LINGO2: variants seen among roughly 807,000 people sequenced by gnomAD.
LINGO2 encodes leucine rich repeat and Ig domain containing 2.
In LINGO2, 14 loss-of-function variants were observed where a neutral mutation model predicts 30.6. That is an observed-to-expected ratio of 0.46 (90% CI 0.30 to 0.72). LINGO2 has a LOEUF of 0.72. LINGO2 is among the 30% of genes least tolerant of loss of function. The pLI, the probability that LINGO2 is intolerant of heterozygous loss-of-function variation, is 0.07. For missense variants in LINGO2, 729 were observed against 751.7 expected (o/e 0.97, Z 0.35); for synonymous variants, 317 against 288.5 (o/e 1.10, Z -1.00).
chr9:28,675,924 T>TATATAC, the LINGO2 span, among the ~76,000 whole-genome samples: 2 of 137,736 alleles, frequency 1.5e-5, no homozygotes, highest in East Asian at 4.7e-4. Flanking sequence ...TATATATATA[T>TATATAC]ACATACACAC....
chr9:28,523,694 A>C (rs1820910621), intron 1 of LINGO2, among the ~76,000 whole-genome samples: 2 of 152,192 alleles, frequency 1.3e-5, no homozygotes, highest in African/African-American at 4.8e-5. Flanking sequence ...ATGATTTAAA[A>C]ATAAACAGAT....
the LINGO2 span, among the ~76,000 whole-genome samples, chr9:29,120,926 T>C: frequency 1.3e-5 from 2 of 152,160 alleles, no homozygotes; most frequent in African/African-American, 4.8e-5. Context: ...AAGTGGTCAG[T>C]AAATGTTGTC....
chr9:28,292,433 T>C (rs567390255), intron 4 of LINGO2, among the ~76,000 whole-genome samples: 3 of 152,274 alleles, frequency 2.0e-5, no homozygotes, highest in East Asian at 3.9e-4. Flanking sequence ...CAAGAACATA[T>C]TTTGTGTAAT....
At chr9:27,999,031 T>C (rs1821809893) in intron 5 of LINGO2, among the ~76,000 whole-genome samples, 1 of 151,980 alleles carries the variant, frequency 6.6e-6, no homozygotes, top group South Asian at 2.1e-4. Flanking sequence ...CTTGGCACAG[T>C]AGAGAATTTA....
At chr9:29,210,541 C>T in the LINGO2 span, among the ~76,000 whole-genome samples, 1 of 152,190 alleles carries the variant, frequency 6.6e-6, no homozygotes, top group South Asian at 2.1e-4. Flanking sequence ...TTTGGGACTT[C>T]ATCAAGATAT....
chr9:29,070,157 A>G, the LINGO2 span, among the ~76,000 whole-genome samples: 36 of 152,160 alleles, frequency 2.4e-4, no homozygotes, highest in African/African-American at 8.4e-4. Context: ...ATTATCTTCT[A>G]TTAGACTCCC....
chr9:28,988,303 C>T, the LINGO2 span, among the ~76,000 whole-genome samples: 1 of 152,050 alleles, frequency 6.6e-6, no homozygotes, highest in Admixed American at 6.6e-5. Context: ...TCTCATTTTA[C>T]AGTTTTCGAC....
chr9:28,733,827 T>C, the LINGO2 span, among the ~76,000 whole-genome samples: 1 of 152,026 alleles, frequency 6.6e-6, no homozygotes, highest in Non-Finnish European at 1.5e-5. Flanking sequence ...CATTCACATA[T>C]CTATTCTTCA....
chr9:29,183,081 G>A, the LINGO2 span, among the ~76,000 whole-genome samples: 2 of 152,160 alleles, frequency 1.3e-5, no homozygotes, highest in African/African-American at 2.4e-5. Context: ...TGTGAAGTAT[G>A]CTCATATTAC....
chr9:29,027,630 A>T, the LINGO2 span, among the ~76,000 whole-genome samples: 5 of 152,272 alleles, frequency 3.3e-5, 1 homozygote, highest in Middle Eastern at 0.01. Context: ...GAGCCACCAC[A>T]CCAGGCCAGA....
At chr9:28,742,177 C>T in the LINGO2 span, among the ~76,000 whole-genome samples, 2 of 151,788 alleles carry the variant, frequency 1.3e-5, no homozygotes, top group Admixed American at 1.3e-4. Flanking sequence ...TCTCTCCTTC[C>T]CTCATGTGGA....
Position 28,484,545 on chromosome 9 carries a change from C to T in LINGO2, c.-364-8520G>A, listed in dbSNP as rs191417339. Among the ~76,000 whole-genome samples, 6 of 152,158 alleles carry T rather than the reference C, an allele frequency of 3.9e-5. No homozygotes were observed. The South Asian group carries it at 8.3e-4, about 21-fold the overall frequency. ...TACAAAATGGCAGCCACATTCCTCA[C>T]GTGACATGTTTGTAGATACTTCACT... On this transcript the variant is annotated intron_variant, in intron 1 of 5. Coordinates refer to ENST00000379992, the Ensembl canonical transcript of LINGO2.
At chr9:28,142,428 G>A (rs1335636879) in intron 4 of LINGO2, among the ~76,000 whole-genome samples, 2 of 152,088 alleles carry the variant, frequency 1.3e-5, no homozygotes, top group African/African-American at 4.8e-5. Context: ...AGATTCTGAT[G>A]TCACTTTTCT....
chr9:28,084,991 G>A (rs1825870623), intron 4 of LINGO2, among the ~76,000 whole-genome samples: 1 of 152,054 alleles, frequency 6.6e-6, no homozygotes, highest in South Asian at 2.1e-4. Flanking sequence ...GGTACTCTAT[G>A]AGCATTTTAC....
intron 1 of LINGO2, among the ~76,000 whole-genome samples, chr9:28,648,720 C>A (rs1278265819): frequency 6.6e-6 from 1 of 151,956 alleles, no homozygotes; most frequent in Non-Finnish European, 1.5e-5. Flanking sequence ...TAGTCTAATG[C>A]TATCTACTTC....
chr9:28,975,990 GTTAAC>G, the LINGO2 span, among the ~76,000 whole-genome samples: 1 of 152,260 alleles, frequency 6.6e-6, no homozygotes, highest in East Asian at 1.9e-4. Flanking sequence ...CTCTGCCTGA[GTTAAC>G]TTAATTTTTC....
At chr9:29,053,376 T>C in the LINGO2 span, among the ~76,000 whole-genome samples, 1 of 152,122 alleles carries the variant, frequency 6.6e-6, no homozygotes, top group African/African-American at 2.4e-5. Context: ...TTCCCCTTCC[T>C]CTGTCCATGT....
chr9:28,909,776 A>G, the LINGO2 span, among the ~76,000 whole-genome samples: 1 of 152,012 alleles, frequency 6.6e-6, no homozygotes, highest in East Asian at 1.9e-4. Flanking sequence ...GAGAGGTACA[A>G]CTCCAAGTGA....
chr9:28,807,378 A>C, the LINGO2 span, among the ~76,000 whole-genome samples: 1 of 152,122 alleles, frequency 6.6e-6, no homozygotes, highest in Non-Finnish European at 1.5e-5. Context: ...GACTCAGAGA[A>C]CTAATCTGCT....
Sources: allele counts gnomAD v4.1 joint callset (sites outside exome capture counted in the v4.1 genomes callset), GRCh38; gene constraint gnomAD v4.1.1; transcripts MANE v1.5; gene names NCBI Gene and HGNC (gene_info 2026-07-23, HGNC 2026-07-21).